Variants in MMS19 observed in about 807,000 individuals in gnomAD.
The protein encoded by MMS19 is MMS19 nucleotide excision repair protein homolog.
A neutral mutation model predicts 129.8 loss-of-function variants in MMS19; 77 were observed. The observed-to-expected ratio is 0.59, with a 90% CI of 0.49 to 0.72. MMS19 has a LOEUF of 0.72. Among genes scored for constraint, MMS19 ranks in the 30% least tolerant of loss-of-function variants. The pLI is 0.00. For missense variants in MMS19, 1,168 were observed against 1,266.3 expected (o/e 0.92, Z 1.18); for synonymous variants, 491 against 502.8 (o/e 0.98, Z 0.31).
At position 97,461,597 on chromosome 10, in the gene MMS19, A is replaced by G. The variant is rs745331754; in HGVS notation, c.2210T>C (p.Leu737Pro). Residue 737 changes from leucine (L) to proline (P), a missense_variant, in exon 23 of 31, where the codon CTC (leucine) becomes CCC (proline). Leu to Pro is a moderately conservative substitution (Grantham distance 98, BLOSUM62 -3). Transcript: ENST00000438925. ...RNVEIPQLNQ[L>P]MRELLELSCC... is the part of the protein sequence containing the mutation. ...GCTCAGTTCCAAAAGCTCCCGCATG[A>G]GTTGGTTCAGCTGAGGGATTTCCAC... 6.2e-7 allele frequency: 1 copy of G among 1,600,108 alleles called. No homozygotes were observed. The highest frequency in any genetic ancestry group is 8.5e-7 in the Non-Finnish European group (1 of 1,173,298).
At chr10:97,468,907 G>A in intron 12 of MMS19, 59 bp downstream of exon 12, 1 of 1,532,572 alleles carries the variant, frequency 6.5e-7, no homozygotes, top group Non-Finnish European at 8.8e-7. Context: ...CCGCACCCAG[G>A]CAAGGAATGT....
chr10:97,469,870 G>A, intron 10 of MMS19, 147 bp from the exon 11 acceptor site: 2 of 681,518 alleles, frequency 2.9e-6, no homozygotes, highest in Non-Finnish European at 5.0e-6. Context: ...AGGGAACAGA[G>A]AAGTAGGAGA....
rs541916571 is a variant in MMS19 at position 97,464,959 on chromosome 10, C to A, written c.1756+846G>T. ...GCTCAAGTGATCCATCAGCCTTGGC[C>A]TCCCAAAGTGCTGGGATTACAGGCA... On this transcript the variant is annotated intron_variant, in intron 18 of 30. Transcript: ENST00000438925. Among the ~76,000 whole-genome samples the A allele has an allele frequency of 1.6e-4, 24 of 152,254 alleles. No individual in the cohort carries two copies. The South Asian group carries it at 4.8e-3, about 30-fold the overall frequency.
At position 97,462,050 on chromosome 10, in the gene MMS19, T is replaced by C; in HGVS notation, c.2082A>G (p.Glu694=). 6.3e-7 allele frequency: 1 copy of C among 1,594,292 alleles called. No homozygotes were observed. The highest frequency in any genetic ancestry group is 8.5e-7 in the Non-Finnish European group (1 of 1,170,282). The change falls in exon 21 of 31, where the codon GAA becomes GAG. Residue 694 remains glutamate (E), a synonymous_variant. Coordinates refer to ENST00000438925, the MANE Select transcript of MMS19 (RefSeq NM_022362.5). ...FLDGNVSFLP[E]NSFPSRFQPF... is the part of the protein sequence containing the mutation. Reference sequence around the variant, plus strand: ...GCTGGAATCTGCTCGGGAAGCTGTTTTCAGGCAGAAAGGACACGTTGCCAT... The same window carrying C: ...GCTGGAATCTGCTCGGGAAGCTGTTCTCAGGCAGAAAGGACACGTTGCCAT...
chr10:97,478,955 T>C (rs1052231719), intron 3 of MMS19, among the ~76,000 whole-genome samples: 6 of 152,160 alleles, frequency 3.9e-5, no homozygotes, highest in African/African-American at 1.2e-4. Context: ...AGGTTGGGCA[T>C]GTGGTGCTTG....
At chr10:97,482,655 T>A (rs1284631760) in intron 2 of MMS19, among the ~76,000 whole-genome samples, 1 of 151,972 alleles carries the variant, frequency 6.6e-6, no homozygotes, top group Non-Finnish European at 1.5e-5. Context: ...CACAGAATTG[T>A]ACATTTTAAA....
At chr10:97,481,075 T>G in intron 2 of MMS19, 33 bp from the exon 3 acceptor site, 2 of 1,262,766 alleles carry the variant, frequency 1.6e-6, no homozygotes, top group Non-Finnish European at 2.3e-6. Context: ...GAACCTGCAA[T>G]TACCCAGTTC....
rs769678265 is a variant in MMS19 at position 97,498,373 on chromosome 10, G to C, written c.12C>G (p.Ala4=). ...TAGGCGCCGCCGCCTCCACAGCCGC[G>C]GCAGCGGCCATAACGCGAACTAGAG... MAA[A]AAVEAAAPMG... is the part of the protein sequence containing the mutation. The change falls in exon 1 of 31, where the codon GCC becomes GCG. Residue 4 remains alanine (A), a synonymous_variant. Transcript: ENST00000438925. 21 of 1,578,180 alleles carry C rather than the reference G, an allele frequency of 1.3e-5. No individual in the cohort carries two copies. Among genetic ancestry groups the C allele is most frequent in the Non-Finnish European group, 1.6e-5 (19 of 1,169,956 alleles).
At chr10:97,477,241 G>C (rs2035931552) in intron 6 of MMS19, 106 bp downstream of exon 6, 1 of 1,583,986 alleles carries the variant, frequency 6.3e-7, no homozygotes, top group South Asian at 1.2e-5. Context: ...TTCTCTCTCA[G>C]GATACCAGCT....
At chr10:97,469,823 G>T in intron 10 of MMS19, 100 bp from the exon 11 acceptor site, 1 of 976,792 alleles carries the variant, frequency 1.0e-6, no homozygotes, top group East Asian at 2.4e-5. Context: ...CCTGGTCTCA[G>T]CAGAAAAACC....
chr10:97,458,509 A>G lies in MMS19; in HGVS notation c.*183T>C. 1.6e-6 allele frequency: 1 copy of G among 618,062 alleles called. No homozygotes were observed. 38.3% of individuals were successfully genotyped at this position (618,062 alleles called of 1,614,324 possible). On this transcript the variant is annotated 3_prime_UTR_variant, in exon 31 of 31. Transcript: ENST00000438925. The stretch of plus-strand genomic sequence containing the variant: ...GTGTCTCACACACACTTATTTTACA[A>G]ATCCACTAGAAATATGGACTCTTAT...
chr10:97,498,366 C>G lies in MMS19; in HGVS notation c.19G>C (p.Val7Leu), dbSNP rs1336111896. ...GCACCCATAGGCGCCGCCGCCTCCA[C>G]AGCCGCGGCAGCGGCCATAACGCGA... is the stretch of plus-strand genomic sequence containing the variant. MAAAAA[V>L]EAAAPMGALW... is the part of the protein sequence containing the mutation. The change falls in exon 1 of 31, where the codon GTG becomes CTG. Residue 7 changes from valine to leucine, a missense_variant. By Grantham distance (32) the Val-to-Leu change is conservative (BLOSUM62 1). Coordinates refer to ENST00000438925, the MANE Select transcript of MMS19 (RefSeq NM_022362.5). The G allele has an allele frequency of 2.5e-6, 4 of 1,575,668 alleles. No homozygotes were observed. Among genetic ancestry groups the G allele is most frequent in the Non-Finnish European group, 2.6e-6 (3 of 1,168,566 alleles).
At chr10:97,469,536 T>G in intron 11 of MMS19, 110 bp downstream of exon 11, 1 of 834,984 alleles carries the variant, frequency 1.2e-6, no homozygotes, top group Non-Finnish European at 1.9e-6. Flanking sequence ...TAACCAGGCA[T>G]TATATCTTGG....
chr10:97,487,598 C>T (rs983939706), intron 1 of MMS19, among the ~76,000 whole-genome samples: 1 of 151,942 alleles, frequency 6.6e-6, no homozygotes, highest in Non-Finnish European at 1.5e-5. Context: ...GGATTACAGG[C>T]GTGAGCCACC....
intron 1 of MMS19, 108 bp from the exon 2 acceptor site, chr10:97,484,259 G>A (rs1589748426): frequency 8.6e-6 from 6 of 694,286 alleles, no homozygotes; most frequent in East Asian, 8.3e-5. Flanking sequence ...TTGTACCTGG[G>A]GGCCCACTAT....
Position 97,476,672 on chromosome 10 carries a change from G to A in MMS19, c.684+11C>T, listed in dbSNP as rs777003090. ...ATAAATATATGATCAAACAATGAAGGTGCTACTTACAGGGGTAAAATCGAT... is the reference window on the plus strand; with the variant it reads ...ATAAATATATGATCAAACAATGAAGATGCTACTTACAGGGGTAAAATCGAT... On this transcript the variant is annotated intron_variant, in intron 8 of 30. Transcript: ENST00000438925. 11 of 1,612,714 alleles carry A rather than the reference G, an allele frequency of 6.8e-6. No individual in the cohort carries two copies. In the South Asian group the frequency reaches 1.2e-4, roughly 18 times the overall value.
chr10:97,488,461 G>A (rs2038295454), intron 1 of MMS19, among the ~76,000 whole-genome samples: 1 of 152,102 alleles, frequency 6.6e-6, no homozygotes, highest in African/African-American at 2.4e-5. Flanking sequence ...TCATCTTTTG[G>A]TATATACATG....
chr10:97,466,569 C>T lies in MMS19; in HGVS notation c.1440G>A (p.Glu480=), dbSNP rs2033542942. ...GGTGACCCACTGCCAGCTCCAAGTC[C>T]TCATAAGATAGGAGATCTGTAGTTA... ...LGAQPDLLSY[E]DLELAVGHLY... Residue 480 remains glutamate (E), a synonymous_variant, in exon 16 of 31, where the codon GAG becomes GAA. Coordinates refer to ENST00000438925, the MANE Select transcript of MMS19 (RefSeq NM_022362.5). 1 of 1,613,550 alleles carries T rather than the reference C, an allele frequency of 6.2e-7. No homozygotes were observed. Among genetic ancestry groups the T allele is most frequent in the Non-Finnish European group, 8.5e-7 (1 of 1,179,478 alleles).
intron 1 of MMS19, 33 bp from the exon 2 acceptor site, chr10:97,484,184 TAAA>T: frequency 7.9e-7 from 1 of 1,265,414 alleles, no homozygotes; most frequent in Non-Finnish European, 1.1e-6. Context: ...ATATGAAAAA[TAAA>T]AAAAAAACCT....
Sources: allele counts gnomAD v4.1 joint callset (sites outside exome capture counted in the v4.1 genomes callset), GRCh38; gene constraint gnomAD v4.1.1; transcripts MANE v1.5; gene names NCBI Gene and HGNC (gene_info 2026-07-23, HGNC 2026-07-21).